Variants in JCAD observed in about 807,000 individuals in gnomAD.
The protein encoded by JCAD is junctional cadherin 5-associated protein.
JCAD carries 40 observed loss-of-function variants against 98.0 expected under a neutral mutation model. The observed-to-expected ratio is 0.41, with a 90% CI of 0.32 to 0.53. JCAD has a LOEUF of 0.53. JCAD is among the 20% of genes least tolerant of loss of function. The probability of loss-of-function intolerance (pLI) is 0.31; values close to 1 mark genes in which losing one functional copy is unlikely to be tolerated. For missense variants in JCAD, 1,705 were observed against 1,738.1 expected (o/e 0.98, Z 0.34); for synonymous variants, 691 against 682.3 (o/e 1.01, Z -0.20).
intron 2 of JCAD, among the ~76,000 whole-genome samples, chr10:30,030,873 A>T (rs1836975613): frequency 6.6e-6 from 1 of 151,328 alleles, no homozygotes. Flanking sequence ...GACACATTAC[A>T]TTACAATCTT....
At chr10:30,032,246 T>C (rs1837018582) in intron 2 of JCAD, among the ~76,000 whole-genome samples, 1 of 152,198 alleles carries the variant, frequency 6.6e-6, no homozygotes, top group South Asian at 2.1e-4. Context: ...TAGGATTTCC[T>C]TGTGAGCCTT....
At chr10:30,055,940 A>G (rs1377539628) in intron 1 of JCAD, among the ~76,000 whole-genome samples, 1 of 151,606 alleles carries the variant, frequency 6.6e-6, no homozygotes, top group Non-Finnish European at 1.5e-5. Flanking sequence ...ACACACACAC[A>G]TGCACTTACA....
chr10:30,074,202 A>G (rs1281826495), intron 1 of JCAD, among the ~76,000 whole-genome samples: 1 of 152,140 alleles, frequency 6.6e-6, no homozygotes, highest in Non-Finnish European at 1.5e-5. Flanking sequence ...GGATATTGAC[A>G]CACATTGTAC....
intron 2 of JCAD, among the ~76,000 whole-genome samples, chr10:30,066,574 G>A (rs1167288685): frequency 6.6e-6 from 1 of 152,068 alleles, no homozygotes; most frequent in Non-Finnish European, 1.5e-5. Flanking sequence ...GGTACCGGGG[G>A]GATGCCAATG....
chr10:30,023,990 CCTCAT>C (rs1836723719), intron 3 of JCAD, among the ~76,000 whole-genome samples: 2 of 152,136 alleles, frequency 1.3e-5, no homozygotes, highest in Non-Finnish European at 2.9e-5. Context: ...GTAGGCAAGA[CCTCAT>C]CTCTACAAAT....
At chr10:30,089,170 T>C (rs1295211688) in intron 1 of JCAD, among the ~76,000 whole-genome samples, 4 of 152,078 alleles carry the variant, frequency 2.6e-5, no homozygotes, top group Non-Finnish European at 5.9e-5. Context: ...ACCATGTCCT[T>C]GGTAAATTCA....
At chr10:30,018,691 A>C (rs1291510201) in intron 3 of JCAD, among the ~76,000 whole-genome samples, 1 of 152,146 alleles carries the variant, frequency 6.6e-6, no homozygotes. Context: ...ACAACCTCCA[A>C]TTCACAGATG....
At position 30,014,515 on chromosome 10, in the gene JCAD, A is replaced by G. The variant is rs1436319106; in HGVS notation, c.*3368T>C. ...TGTATTATTTAATCATTTAAAACAA[A>G]CAATAATAAAAAACTCAGCCAGAAC... On this transcript the variant is annotated 3_prime_UTR_variant, in exon 4 of 4. Transcript: ENST00000375377. 1 of 152,222 alleles carries G rather than the reference A, an allele frequency of 6.6e-6. No individual in the cohort carries two copies. Among genetic ancestry groups the G allele is most frequent in the East Asian group, 1.9e-4 (1 of 5,204 alleles). The allele number at this position is 152,222 out of a possible 1,614,324, so 9.4% of individuals were successfully genotyped here. A position where few individuals can be genotyped will look rare whatever the true frequency, so the allele number is the denominator to read the frequency against.
intron 1 of JCAD, among the ~76,000 whole-genome samples, chr10:30,056,721 A>G (rs1378392722): frequency 6.6e-6 from 1 of 152,234 alleles, no homozygotes; most frequent in African/African-American, 2.4e-5. Flanking sequence ...TCCCAAGCAT[A>G]TCTATAGAAA....
At chr10:30,036,457 AAAAAAAC>A (rs1309571236) in intron 2 of JCAD, among the ~76,000 whole-genome samples, 2 of 151,022 alleles carry the variant, frequency 1.3e-5, no homozygotes, top group East Asian at 3.9e-4. Flanking sequence ...TCTCAAAAAA[AAAAAAAC>A]AAAAAAAATG....
At chr10:30,022,742 T>C (rs981685948) in intron 3 of JCAD, among the ~76,000 whole-genome samples, 2 of 152,224 alleles carry the variant, frequency 1.3e-5, no homozygotes, top group African/African-American at 4.8e-5. Flanking sequence ...ACGGGCCACA[T>C]AGATGACAGT....
At chr10:30,040,100 T>G (rs970921779) in intron 2 of JCAD, among the ~76,000 whole-genome samples, 10 of 152,060 alleles carry the variant, frequency 6.6e-5, no homozygotes, top group African/African-American at 2.4e-4. Flanking sequence ...AAGAACCGAG[T>G]GTCTGTCTGA....
chr10:30,096,065 G>T (rs1322868386), intron 1 of JCAD, among the ~76,000 whole-genome samples: 2 of 152,082 alleles, frequency 1.3e-5, no homozygotes, highest in Admixed American at 6.6e-5. Context: ...AAAAGTCAAG[G>T]TTCAGTCCAC....
Position 30,027,738 on chromosome 10 carries a change from C to A in JCAD, c.2410G>T (p.Gly804Trp). 1 of 1,614,260 alleles carries A rather than the reference C, an allele frequency of 6.2e-7. No individual in the cohort carries two copies. The highest frequency in any genetic ancestry group is 8.5e-7 in the Non-Finnish European group (1 of 1,180,050). Residue 804 changes from glycine (G) to tryptophan (W), a missense_variant, in exon 3 of 4, where the codon GGG (glycine) becomes TGG (tryptophan). Physicochemically the swap from Gly to Trp is radical, Grantham distance 184. Around this residue, in one of 3 missense-constraint regions of JCAD, gnomAD observed 1,278 missense variants for 1,243.1 expected, o/e 1.03. Coordinates refer to ENST00000375377, the MANE Select transcript of JCAD (RefSeq NM_020848.4). ...HPGPKREVVK[G>W]EPTGPCNSKQ... is the part of the protein sequence containing the mutation. ...CTGTTGCAAGGGCCCGTGGGCTCCC[C>A]CTTCACCACCTCCCGCTTAGGCCCA...
chr10:30,024,504 C>G (rs544797312), intron 3 of JCAD, among the ~76,000 whole-genome samples: 8 of 152,038 alleles, frequency 5.3e-5, no homozygotes, highest in Non-Finnish European at 1.0e-4. Flanking sequence ...AATGGCAAAG[C>G]CTTCACATTC....
Position 30,027,052 on chromosome 10 carries a change from G to A in JCAD, c.3096C>T (p.Leu1032=). The A allele has an allele frequency of 6.2e-7, 1 of 1,614,180 alleles. No individual in the cohort carries two copies. The highest frequency in any genetic ancestry group is 8.5e-7 in the Non-Finnish European group (1 of 1,180,016). The part of the protein sequence containing the change: ...FDSGGERGAG[L]PLSLSNKNRG... ...GGTTCTTGTTAGACAGGGACAGTGG[G>A]AGCCCTGCCCCCCTCTCTCCACCAC... The change falls in exon 3 of 4, where the codon CTC becomes CTT. Residue 1032 remains leucine (L), a synonymous_variant. Coordinates refer to ENST00000375377, the MANE Select transcript of JCAD (RefSeq NM_020848.4).
chr10:30,035,800 G>A (rs1352088901), intron 2 of JCAD, among the ~76,000 whole-genome samples: 2 of 152,134 alleles, frequency 1.3e-5, no homozygotes, highest in East Asian at 1.9e-4. Context: ...GAATGTGATC[G>A]CCCAGACAAA....
At chr10:30,035,249 A>C (rs947307950) in intron 2 of JCAD, among the ~76,000 whole-genome samples, 1 of 152,216 alleles carries the variant, frequency 6.6e-6, no homozygotes, top group African/African-American at 2.4e-5. Context: ...ATGTTACACT[A>C]TCACTTTAAC....
chr10:30,069,711 G>C (rs1363152745), exon 2 of JCAD: 1 of 150,760 alleles, frequency 6.6e-6, no homozygotes, highest in Non-Finnish European at 1.5e-5. Context: ...TGTAGTCCCA[G>C]CTCCTCAAGA....
Sources: gnomAD v4.1 joint callset for allele counts (sites outside exome capture counted in the v4.1 genomes callset) on GRCh38, gnomAD v4.1.1 for gene constraint, gnomAD v4.1.1 regional missense constraint, MANE v1.5 for transcripts, NCBI Gene and HGNC (gene_info 2026-07-23, HGNC 2026-07-21) for gene names.